The following CCDC7 variants were observed in gnomAD, a reference collection of about 807,000 sequenced individuals.
CCDC7 encodes the protein coiled-coil domain containing 7, also known as coiled-coil domain-containing protein 7.
A neutral mutation model predicts 196.9 loss-of-function variants in CCDC7; 183 were observed. The observed-to-expected ratio is 0.93, with a 90% CI of 0.82 to 1.05. CCDC7 has a LOEUF of 1.05. CCDC7 is among the 50% of genes least tolerant of loss of function. The probability of loss-of-function intolerance (pLI) is 0.00; values close to 1 mark genes in which losing one functional copy is unlikely to be tolerated. For missense variants in CCDC7, 1,540 were observed against 1,482.2 expected (o/e 1.04, Z -0.64); for synonymous variants, 525 against 484.6 (o/e 1.08, Z -1.10).
intron 28 of CCDC7, among the ~76,000 whole-genome samples, chr10:32,770,034 T>A (rs928620911): frequency 5.3e-5 from 8 of 152,258 alleles, no homozygotes; most frequent in Admixed American, 2.0e-4. Flanking sequence ...TTTCTGGTTC[T>A]AGATCCTTGA....
At chr10:32,482,288 A>G (rs1589021944) in intron 8 of CCDC7, among the ~76,000 whole-genome samples, 1 of 151,990 alleles carries the variant, frequency 6.6e-6, no homozygotes, top group African/African-American at 2.4e-5. Flanking sequence ...CTTTTAGTGT[A>G]CCCATCACCT....
chr10:32,592,958 A>G (rs961540247), intron 18 of CCDC7, among the ~76,000 whole-genome samples: 5 of 150,484 alleles, frequency 3.3e-5, no homozygotes, highest in African/African-American at 1.3e-4. Flanking sequence ...ATTGATGGAC[A>G]TTTGGTTGGT....
intron 18 of CCDC7, among the ~76,000 whole-genome samples, chr10:32,614,648 A>G (rs1246225639): frequency 6.6e-6 from 1 of 152,006 alleles, no homozygotes; most frequent in Non-Finnish European, 1.5e-5. Flanking sequence ...TAATTTTTCA[A>G]CCCTCCCACA....
intron 29 of CCDC7, among the ~76,000 whole-genome samples, chr10:32,797,810 C>T (rs1466322779): frequency 6.6e-6 from 1 of 152,140 alleles, no homozygotes; most frequent in East Asian, 1.9e-4. Context: ...GTACCACAAA[C>T]TGGGTGTTGA....
At chr10:32,676,100 T>C (rs2074920757) in intron 21 of CCDC7, among the ~76,000 whole-genome samples, 1 of 150,040 alleles carries the variant, frequency 6.7e-6, no homozygotes, top group Non-Finnish European at 1.5e-5. Flanking sequence ...AACTACCTGA[T>C]CTTTGTCAAA....
At chr10:32,674,214 G>C (rs2074548159) in intron 21 of CCDC7, among the ~76,000 whole-genome samples, 1 of 150,780 alleles carries the variant, frequency 6.6e-6, no homozygotes, top group African/African-American at 2.4e-5. Context: ...ATTTTTTATA[G>C]TGATTATCAA....
chr10:32,765,768 T>C (rs1445501954), intron 28 of CCDC7, among the ~76,000 whole-genome samples: 1 of 152,030 alleles, frequency 6.6e-6, no homozygotes, highest in Non-Finnish European at 1.5e-5. Context: ...TTTAAATAGA[T>C]GGTGATTCTA....
intron 29 of CCDC7, among the ~76,000 whole-genome samples, chr10:32,794,529 C>T (rs10827130): frequency 0.34 from 51,906 of 152,086 alleles, 11,295 homozygotes; most frequent in Non-Finnish European, 0.49. Flanking sequence ...AACTAAGTTA[C>T]ATTCCCACCA....
intron 28 of CCDC7, among the ~76,000 whole-genome samples, chr10:32,769,508 T>G (rs1214614576): frequency 1.3e-5 from 2 of 152,188 alleles, no homozygotes; most frequent in African/African-American, 4.8e-5. Context: ...ATACTTTAAG[T>G]TCTGGGATAC....
chr10:32,562,848 G>A (rs1220064821), intron 13 of CCDC7, among the ~76,000 whole-genome samples: 1 of 152,144 alleles, frequency 6.6e-6, no homozygotes, highest in Non-Finnish European at 1.5e-5. Context: ...AGGAAAAGAG[G>A]AAGTCAAATT....
intron 20 of CCDC7, among the ~76,000 whole-genome samples, chr10:32,652,945 C>G (rs2069048059): frequency 1.3e-5 from 2 of 152,136 alleles, no homozygotes; most frequent in South Asian, 2.1e-4. Flanking sequence ...CCTTTGCCAT[C>G]AGATTGAGTA....
At chr10:32,876,715 C>A, downstream of CCDC7, 2 of 200,082 alleles carry the variant, frequency 1.0e-5, no homozygotes, top group Admixed American at 5.9e-5. Context: ...CAATGCATAA[C>A]CAACTTAGAA....
intron 18 of CCDC7, among the ~76,000 whole-genome samples, chr10:32,597,055 A>C (rs2138133752): frequency 6.6e-6 from 1 of 152,186 alleles, no homozygotes; most frequent in Admixed American, 6.5e-5. Context: ...GTATTTCCCG[A>C]ATTTGAATGT....
chr10:32,872,128 G>A (rs980616699), intron 41 of CCDC7, among the ~76,000 whole-genome samples: 1 of 152,094 alleles, frequency 6.6e-6, no homozygotes, highest in East Asian at 1.9e-4. Flanking sequence ...AGTTCCGCTT[G>A]GTGCAGAGCT....
At chr10:32,588,774 T>C (rs909341464) in intron 18 of CCDC7, among the ~76,000 whole-genome samples, 24 of 152,144 alleles carry the variant, frequency 1.6e-4, no homozygotes, top group African/African-American at 5.8e-4. Context: ...CATCTGGTCC[T>C]AGACATTTCT....
chr10:32,805,597 C>G lies in CCDC7; in HGVS notation c.3097+499C>G, dbSNP rs559170691. On this transcript the variant is annotated intron_variant, in intron 30 of 41. Transcript: ENST00000639629. The stretch of plus-strand genomic sequence containing the variant: ...AATAGTTCAGATATTATACTACTGC[C>G]TTTGGTACAAGAGTAGCAGTGTTAG... 2.0e-5 allele frequency among the ~76,000 whole-genome samples: 3 copies of G among 152,234 alleles called. No homozygotes were observed. In the East Asian group the frequency reaches 5.8e-4, roughly 29 times the overall value.
chr10:32,504,829 C>T (rs534876387), intron 9 of CCDC7, among the ~76,000 whole-genome samples: 41 of 152,248 alleles, frequency 2.7e-4, no homozygotes, highest in Admixed American at 1.6e-3. Context: ...TAACACATAA[C>T]GTATCATGGG....
In CCDC7 at chr10:32,779,085, G is replaced by A. The variant is rs767164317; in HGVS notation, c.3013+1G>A. 19 of 1,532,884 alleles carry A rather than the reference G, an allele frequency of 1.2e-5. No homozygotes were observed. Among genetic ancestry groups the A allele is most frequent in the Non-Finnish European group, 1.7e-5 (19 of 1,131,638 alleles). The allele number at this position is 1,532,884 out of a possible 1,614,324, so 95.0% of individuals were successfully genotyped here. On this transcript the variant is annotated splice_donor_variant, in intron 29 of 41. Coordinates refer to ENST00000639629, the Ensembl canonical transcript of CCDC7. LOFTEE classifies it high-confidence loss of function. Reference sequence around the variant, plus strand: ...CAATTTGATTTAAACAAAGTGGTCGGTAAGTATAGATTTATGTTTGGATAC... The same window carrying A: ...CAATTTGATTTAAACAAAGTGGTCGATAAGTATAGATTTATGTTTGGATAC...
chr10:32,676,626 C>T (rs1441271152), intron 21 of CCDC7, among the ~76,000 whole-genome samples: 21 of 152,108 alleles, frequency 1.4e-4, no homozygotes, highest in African/African-American at 3.4e-4. Context: ...AAAATGCTCA[C>T]CATCACTGGC....
Sources: allele counts gnomAD v4.1 joint callset (sites outside exome capture counted in the v4.1 genomes callset), GRCh38; gene constraint gnomAD v4.1.1; transcripts MANE v1.5; gene names NCBI Gene and HGNC (gene_info 2026-07-23, HGNC 2026-07-21).